CPA6: variants seen among roughly 807,000 people sequenced by gnomAD.
The protein encoded by CPA6 is carboxypeptidase A6.
CPA6 carries 58 observed loss-of-function variants against 63.3 expected under a neutral mutation model. The observed-to-expected ratio is 0.92, with a 90% confidence interval of 0.74 to 1.14. The LOEUF (loss-of-function observed/expected upper bound fraction) is 1.14, where lower values mean the gene tolerates loss of function less well. CPA6 is among the 50% of genes most tolerant of loss of function. CPA6 has a pLI of 0.00. For missense variants in CPA6, 565 were observed against 526.6 expected, an observed-to-expected ratio of 1.07 and a Z score of -0.71; for synonymous variants, 185 against 179.0, an observed-to-expected ratio of 1.03 and a Z score of -0.27.
intron 10 of CPA6, among the ~76,000 whole-genome samples, chr8:67,425,821 T>C (rs1809869359): frequency 1.3e-5 from 2 of 152,152 alleles, no homozygotes; most frequent in African/African-American, 2.4e-5. Flanking sequence ...GTAGTCATAG[T>C]AGCCAAGTCA....
intron 1 of CPA6, among the ~76,000 whole-genome samples, chr8:67,649,668 T>C (rs747405777): frequency 4.6e-5 from 7 of 152,308 alleles, no homozygotes; most frequent in Middle Eastern, 6.8e-3. Context: ...TTTAGAAGGA[T>C]GGTCAGTAGT....
chr8:67,653,422 C>T (rs1186545732), intron 1 of CPA6, among the ~76,000 whole-genome samples: 1 of 151,396 alleles, frequency 6.6e-6, no homozygotes, highest in African/African-American at 2.4e-5. Flanking sequence ...TTTCATTGAG[C>T]AGTGGTTTGT....
chr8:67,624,903 C>G (rs1815162351), intron 1 of CPA6, among the ~76,000 whole-genome samples: 1 of 152,076 alleles, frequency 6.6e-6, no homozygotes. Context: ...TGGTCTAGGT[C>G]CTGCTGCTTT....
In CPA6 at chr8:67,666,432, G is replaced by A. The variant is rs529578053; in HGVS notation, c.117-42181C>T. 3.9e-5 allele frequency among the ~76,000 whole-genome samples: 6 copies of A among 152,218 alleles called. No individual in the cohort carries two copies. In the South Asian group the frequency reaches 1.2e-3, roughly 32 times the overall value. On this transcript the variant is annotated intron_variant, in intron 1 of 10. Transcript: ENST00000297770. ...TCACTGAGAGAGGGGTGGGGAGGGG[G>A]GCACTCTCACCAGCGGAGGGCCCTG... is the stretch of plus-strand genomic sequence containing the variant.
intron 8 of CPA6, among the ~76,000 whole-genome samples, chr8:67,464,722 G>A (rs540489155): frequency 1.3e-5 from 2 of 152,260 alleles, no homozygotes; most frequent in African/African-American, 4.8e-5. Context: ...TCATTCTTCT[G>A]CATATGGCTA....
At position 67,619,106 on chromosome 8, in the gene CPA6, C is replaced by A. The variant is rs746980099; in HGVS notation, c.192+5070G>T. 1.2e-3 allele frequency among the ~76,000 whole-genome samples: 176 copies of A among 152,334 alleles called. 1 individual carries two copies. Among genetic ancestry groups the A allele is most frequent in the Non-Finnish European group, 1.9e-3 (130 of 68,036 alleles). On this transcript the variant is annotated intron_variant, in intron 2 of 10. Coordinates refer to ENST00000297770, the MANE Select transcript of CPA6 (RefSeq NM_020361.5). Reference sequence around the variant, plus strand: ...TCAGATTCCGTTCAACATGCACATGCATTTTGCATTTGTTCATGTTTCAGA... The same window carrying A: ...TCAGATTCCGTTCAACATGCACATGAATTTTGCATTTGTTCATGTTTCAGA...
At chr8:67,530,956 A>C (rs186702331) in intron 2 of CPA6, among the ~76,000 whole-genome samples, 1 of 152,336 alleles carries the variant, frequency 6.6e-6, no homozygotes, top group African/African-American at 2.4e-5. Flanking sequence ...GTTTGTGATA[A>C]AAAATTACAA....
At chr8:67,526,355 T>G (rs916123392) in intron 2 of CPA6, among the ~76,000 whole-genome samples, 2 of 152,216 alleles carry the variant, frequency 1.3e-5, no homozygotes, top group African/African-American at 2.4e-5. Context: ...TTTTCTGAAA[T>G]AGACATGTTT....
intron 2 of CPA6, among the ~76,000 whole-genome samples, chr8:67,595,592 C>T (rs961505477): frequency 4.6e-5 from 7 of 152,216 alleles, no homozygotes; most frequent in South Asian, 2.1e-4. Flanking sequence ...CAATGGCGGG[C>T]GCCCCTCCCC....
chr8:67,703,646 G>T (rs1342814649), intron 1 of CPA6, among the ~76,000 whole-genome samples: 1 of 152,140 alleles, frequency 6.6e-6, no homozygotes, highest in Non-Finnish European at 1.5e-5. Context: ...CATTTGTCTG[G>T]CAGCGAAGAC....
At chr8:67,584,815 T>C (rs1177427549) in intron 2 of CPA6, among the ~76,000 whole-genome samples, 4 of 152,072 alleles carry the variant, frequency 2.6e-5, no homozygotes, top group African/African-American at 9.7e-5. Flanking sequence ...AAACATTTGT[T>C]GAAATTCTCA....
chr8:67,709,056 G>A (rs1024403773), intron 1 of CPA6, among the ~76,000 whole-genome samples: 4 of 152,158 alleles, frequency 2.6e-5, no homozygotes, highest in Admixed American at 1.3e-4. Flanking sequence ...AAGCATGCAC[G>A]CTAAGAGGCA....
chr8:67,668,366 C>T (rs1816275187), intron 1 of CPA6, among the ~76,000 whole-genome samples: 1 of 152,182 alleles, frequency 6.6e-6, no homozygotes, highest in Admixed American at 6.5e-5. Context: ...CACTGTTGCT[C>T]ATCTGTTGTC....
At chr8:67,537,551 A>AT (rs1369276312) in intron 2 of CPA6, among the ~76,000 whole-genome samples, 2 of 151,694 alleles carry the variant, frequency 1.3e-5, no homozygotes, top group African/African-American at 2.4e-5. Context: ...CCCCTTTGTC[A>AT]TTTTTTTATT....
intron 2 of CPA6, among the ~76,000 whole-genome samples, chr8:67,584,113 G>A (rs550775136): frequency 7.9e-5 from 12 of 152,124 alleles, no homozygotes; most frequent in Non-Finnish European, 1.8e-4. Flanking sequence ...AGCTGAGATC[G>A]CACCACAGCA....
chr8:67,744,075 C>A (rs1318514391), intron 1 of CPA6, among the ~76,000 whole-genome samples: 1 of 152,190 alleles, frequency 6.6e-6, no homozygotes, highest in East Asian at 1.9e-4. Flanking sequence ...GTAAACAAAG[C>A]AAAACATTCT....
chr8:67,492,747 T>C (rs1811634056), intron 6 of CPA6, among the ~76,000 whole-genome samples: 1 of 152,198 alleles, frequency 6.6e-6, no homozygotes, highest in Admixed American at 6.6e-5. Flanking sequence ...ATTGTCTGTC[T>C]ACACAATGGC....
intron 2 of CPA6, among the ~76,000 whole-genome samples, chr8:67,561,267 C>T: frequency 6.6e-6 from 1 of 152,078 alleles, no homozygotes; most frequent in East Asian, 1.9e-4. Context: ...AGGAACGGGA[C>T]AAAATATGGT....
chr8:67,604,816 T>A (rs1295408480), intron 2 of CPA6, among the ~76,000 whole-genome samples: 3 of 152,180 alleles, frequency 2.0e-5, no homozygotes, highest in African/African-American at 7.2e-5. Flanking sequence ...TCATTCTTTT[T>A]ACCCGGGCTG....
Sources: allele counts gnomAD v4.1 joint callset (sites outside exome capture counted in the v4.1 genomes callset), GRCh38; gene constraint gnomAD v4.1.1; transcripts MANE v1.5; gene names NCBI Gene and HGNC (gene_info 2026-07-23, HGNC 2026-07-21).